LIG1: variants seen among roughly 807,000 people sequenced by gnomAD.
LIG1 encodes the protein DNA ligase 1.
In LIG1, 70 loss-of-function variants were observed where a neutral mutation model predicts 115.7. The ratio of observed to expected loss-of-function variants is 0.60; its 90% confidence interval spans 0.50 to 0.74. LIG1 has a LOEUF of 0.74. Ranked by LOEUF, LIG1 falls within the 30% of genes least tolerant of loss-of-function variation. The pLI, the probability that LIG1 is intolerant of heterozygous loss-of-function variation, is 0.00. For synonymous variants in LIG1, 487 were observed against 495.3 expected (o/e 0.98, Z 0.22); for missense variants, 1,115 against 1,225.6 (o/e 0.91, Z 1.35).
At position 48,160,220 on chromosome 19, in the gene LIG1, T is replaced by C. The variant is rs568923340; in HGVS notation, c.243+1152A>G. ...AAGCCACTGCGTTTGTGGTCAATTG[T>C]TATGGCAGCAAATGGGAAGCTAACA... On this transcript the variant is annotated intron_variant, in intron 4 of 27. Transcript: ENST00000263274. Among the ~76,000 whole-genome samples, 17 of 152,362 alleles carry C rather than the reference T, an allele frequency of 1.1e-4. No individual in the cohort carries two copies. In the South Asian group the frequency reaches 3.5e-3, roughly 32 times the overall value.
chr19:48,159,395 G>C (rs917881087), intron 4 of LIG1, among the ~76,000 whole-genome samples: 3 of 152,160 alleles, frequency 2.0e-5, no homozygotes, highest in African/African-American at 7.2e-5. Context: ...ACACTGCCCA[G>C]GACTAAATGA....
chr19:48,167,400 A>G (rs2036538145), intron 1 of LIG1, among the ~76,000 whole-genome samples: 1 of 151,916 alleles, frequency 6.6e-6, no homozygotes, highest in Non-Finnish European at 1.5e-5. Context: ...ATCTTCTTCA[A>G]CCCATGGGGT....
Position 48,162,286 on chromosome 19 carries a change from C to T in LIG1, c.83G>A (p.Ser28Asn), listed in dbSNP as rs2036224159. 2 of 1,614,040 alleles carry T rather than the reference C, an allele frequency of 1.2e-6. No homozygotes were observed. Among genetic ancestry groups the T allele is most frequent in the Admixed American group, 1.7e-5 (1 of 60,012 alleles). ...CTTTGGAGGGGGCTCCGTCTCTCTG[C>T]TGCTATTGGATGCCTCCTTCTCAGG... ...KKPEKEASNS[S>N]RETEPPPKAA... The change falls in exon 3 of 28, where the codon AGC becomes AAC. Residue 28 changes from serine to asparagine, a missense_variant. Transcript: ENST00000263274.
chr19:48,138,035 G>A (rs2034510176), intron 12 of LIG1: 2 of 414,986 alleles, frequency 4.8e-6, no homozygotes, highest in African/African-American at 2.0e-5. Context: ...TGTGGACAGA[G>A]CAGAGAAGGC....
At chr19:48,132,917 G>T in intron 18 of LIG1, 65 bp downstream of exon 18, 1 of 1,211,310 alleles carries the variant, frequency 8.3e-7, no homozygotes, top group South Asian at 1.2e-5. Flanking sequence ...AGGCCTCAGT[G>T]ACCCCACACC....
intron 14 of LIG1, among the ~76,000 whole-genome samples, 193 bp from the exon 15 acceptor site, chr19:48,136,318 A>G (rs543299896): frequency 6.6e-6 from 1 of 152,330 alleles, no homozygotes; most frequent in Admixed American, 6.5e-5. Context: ...GCCAGGCAGT[A>G]ATGATCCTGC....
intron 25 of LIG1, 39 bp downstream of exon 25, chr19:48,119,098 G>T (rs1009476542): frequency 2.0e-6 from 3 of 1,512,154 alleles, no homozygotes; most frequent in Non-Finnish European, 2.7e-6. Flanking sequence ...GGGCAGGGGG[G>T]AGAGGGGTGG....
chr19:48,161,573 C>T lies in LIG1; in HGVS notation c.108-66G>A. 2.5e-6 allele frequency: 4 copies of T among 1,577,356 alleles called. No individual in the cohort carries two copies. The South Asian group carries it at 3.3e-5, about 13-fold the overall frequency. On this transcript the variant is annotated intron_variant, in intron 3 of 27. Transcript: ENST00000263274. Reference sequence around the variant, plus strand: ...GCAGGCAGAGTGGGGGCACTGCCCGCAAACACTTTGGTTTCTTTGCTGTTT... The same window carrying T: ...GCAGGCAGAGTGGGGGCACTGCCCGTAAACACTTTGGTTTCTTTGCTGTTT...
chr19:48,140,410 T>TTAAGCTGTCCTTGTTCAGTCC (rs2034666585), intron 11 of LIG1, among the ~76,000 whole-genome samples: 1 of 152,172 alleles, frequency 6.6e-6, no homozygotes, highest in South Asian at 2.1e-4. Flanking sequence ...CTTCTAACCT[T>TTAAGCTGTCCTTGTTCAGTCC]TAAGCTGTCC....
chr19:48,136,671 C>T (rs998363555), intron 14 of LIG1, among the ~76,000 whole-genome samples: 9 of 152,200 alleles, frequency 5.9e-5, no homozygotes, highest in African/African-American at 1.9e-4. Flanking sequence ...GATGTGAGCC[C>T]TCAATGGATT....
chr19:48,150,561 G>A (rs1292192493), intron 7 of LIG1, among the ~76,000 whole-genome samples: 2 of 152,140 alleles, frequency 1.3e-5, no homozygotes, highest in Non-Finnish European at 2.9e-5. Flanking sequence ...TCTAACACAG[G>A]GGCCTCATGG....
chr19:48,141,391 C>G (rs932270038), intron 11 of LIG1, among the ~76,000 whole-genome samples: 1 of 148,956 alleles, frequency 6.7e-6, no homozygotes, highest in Admixed American at 6.7e-5. Flanking sequence ...CTCGGCCTCC[C>G]AAAGTGCTGG....
intron 1 of LIG1, among the ~76,000 whole-genome samples, chr19:48,169,102 A>G (rs1441102325): frequency 6.6e-6 from 1 of 152,208 alleles, no homozygotes; most frequent in African/African-American, 2.4e-5. Context: ...CAGAGTAGAA[A>G]AAAGGTAACA....
chr19:48,116,707 A>G (rs1463463699), intron 26 of LIG1, among the ~76,000 whole-genome samples: 1 of 152,208 alleles, frequency 6.6e-6, no homozygotes, highest in Non-Finnish European at 1.5e-5. Context: ...ATGAGTGTCT[A>G]TGAGTGACAC....
At chr19:48,145,419 C>T (rs1250502525) in intron 9 of LIG1, among the ~76,000 whole-genome samples, 1 of 152,206 alleles carries the variant, frequency 6.6e-6, no homozygotes, top group Non-Finnish European at 1.5e-5. Context: ...AGGGTTCCCA[C>T]TCCTGGGTGC....
intron 3 of LIG1, among the ~76,000 whole-genome samples, chr19:48,161,953 C>G (rs2036205542): frequency 6.6e-6 from 1 of 150,532 alleles, no homozygotes; most frequent in African/African-American, 2.4e-5. Context: ...AAAAAGAGTA[C>G]TGTTGTCTTC....
At chr19:48,143,653 GC>G in intron 10 of LIG1, 54 bp from the exon 11 acceptor site, 1 of 1,479,314 alleles carries the variant, frequency 6.8e-7, no homozygotes, top group South Asian at 1.1e-5. Context: ...ATACCATGCT[GC>G]CCGTCTGCAC....
intron 1 of LIG1, among the ~76,000 whole-genome samples, chr19:48,167,772 G>C (rs993172604): frequency 3.3e-5 from 5 of 150,492 alleles, no homozygotes; most frequent in Non-Finnish European, 4.4e-5. Flanking sequence ...GTTGCAGTGA[G>C]CTGAGACTGC....
At chr19:48,146,643 G>A (rs1302339783) in intron 9 of LIG1, among the ~76,000 whole-genome samples, 1 of 152,072 alleles carries the variant, frequency 6.6e-6, no homozygotes, top group Non-Finnish European at 1.5e-5. Flanking sequence ...TCGTGCCACT[G>A]CACTCCAGCC....
Sources: allele counts gnomAD v4.1 joint callset (sites outside exome capture counted in the v4.1 genomes callset), GRCh38; gene constraint gnomAD v4.1.1; transcripts MANE v1.5; gene names NCBI Gene and HGNC (gene_info 2026-07-23, HGNC 2026-07-21).